The following TMEM131 variants were observed in gnomAD, a reference collection of about 807,000 sequenced individuals.
TMEM131 encodes transmembrane protein 131.
In TMEM131, 66 loss-of-function variants were observed where a neutral mutation model predicts 211.6. That is an observed-to-expected ratio of 0.31 (90% CI 0.26 to 0.38). The LOEUF is 0.38. Ranked by LOEUF, TMEM131 falls within the 10% of genes least tolerant of loss-of-function variation. TMEM131 has a pLI of 1.00. For synonymous variants in TMEM131, 844 were observed against 841.3 expected (o/e 1.00, Z -0.06); for missense variants, 2,036 against 2,299.3 (o/e 0.89, Z 2.34).
In TMEM131 at chr2:97,792,743, G is replaced by C. The variant is rs1320578372; in HGVS notation, c.3787C>G (p.Leu1263Val). The C allele has an allele frequency of 6.2e-7, 1 of 1,613,902 alleles. No individual in the cohort carries two copies. The highest frequency in any genetic ancestry group is 1.3e-5 in the African/African-American group (1 of 74,930). ...GTCACTGTGTTCGAATCTAAGACAA[G>C]GGGGCTTGTTTTGTTAGCAGACTGT... ...SSQSANKTSP[L>V]VLDSNTVTQG... Residue 1263 changes from leucine (L) to valine (V), a missense_variant, in exon 31 of 41, where the codon CTT becomes GTT. Leu to Val is a conservative substitution (Grantham distance 32). This residue lies in a region of TMEM131 where 1,623 missense variants were observed against 1,805.9 expected (regional missense o/e 0.90). Transcript: ENST00000186436.
At chr2:97,818,557 T>C in intron 12 of TMEM131, 56 bp downstream of exon 12, 2 of 1,191,982 alleles carry the variant, frequency 1.7e-6, no homozygotes, top group Non-Finnish European at 2.4e-6. Context: ...ATACAGATGC[T>C]TTCTAGTTTA....
intron 1 of TMEM131, among the ~76,000 whole-genome samples, chr2:97,989,783 C>A (rs1680183398): frequency 1.3e-5 from 2 of 152,154 alleles, no homozygotes; most frequent in African/African-American, 4.8e-5. Flanking sequence ...CAAAGGCTTT[C>A]TAGAAACCCT....
intron 1 of TMEM131, among the ~76,000 whole-genome samples, chr2:97,946,011 C>T (rs1212444423): frequency 2.0e-5 from 3 of 152,022 alleles, no homozygotes; most frequent in Non-Finnish European, 4.4e-5. Flanking sequence ...GTATTATAGC[C>T]ATCTTAAAAC....
intron 3 of TMEM131, among the ~76,000 whole-genome samples, chr2:97,889,780 A>T (rs1376212596): frequency 6.6e-6 from 1 of 152,146 alleles, no homozygotes; most frequent in African/African-American, 2.4e-5. Context: ...CATCCATTCA[A>T]TACAAATGTA....
intron 1 of TMEM131, among the ~76,000 whole-genome samples, chr2:97,929,652 T>G (rs2104450945): frequency 6.6e-6 from 1 of 151,966 alleles, no homozygotes; most frequent in Middle Eastern, 3.4e-3. Context: ...TTGGGAAAAC[T>G]CCTGTCCTCC....
chr2:97,801,176 A>C (rs1681017635), intron 25 of TMEM131, among the ~76,000 whole-genome samples: 1 of 152,342 alleles, frequency 6.6e-6, no homozygotes, highest in South Asian at 2.1e-4. Context: ...TACAATGGTA[A>C]GGGCAAGGCT....
intron 31 of TMEM131, among the ~76,000 whole-genome samples, chr2:97,777,621 G>C (rs966636356): frequency 3.3e-4 from 50 of 152,230 alleles, no homozygotes; most frequent in African/African-American, 9.2e-4. Flanking sequence ...AAATCGCTTA[G>C]TGATTTCCAG....
At chr2:97,808,454 TTTG>T (rs1681409092) in intron 19 of TMEM131, among the ~76,000 whole-genome samples, 1 of 152,196 alleles carries the variant, frequency 6.6e-6, no homozygotes. Flanking sequence ...GGTTTTCTCA[TTTG>T]TTTTGTCTTT....
chr2:97,944,005 C>G (rs1309123132), intron 1 of TMEM131, among the ~76,000 whole-genome samples: 1 of 152,130 alleles, frequency 6.6e-6, no homozygotes, highest in Non-Finnish European at 1.5e-5. Flanking sequence ...TTGCTTGAAC[C>G]TGGGAGGCAG....
rs201320556 is a variant in TMEM131, at chr2:97,757,121, G to T, written c.5630C>A (p.Ser1877Ter). The change falls in exon 41 of 41, where the codon TCG becomes TAG. Residue 1877 changes from serine to a stop codon, truncating the protein, a stop_gained. Transcript: ENST00000186436. LOFTEE classifies it high-confidence loss of function. Reference sequence around the variant, plus strand: ...AATTTAATTCTCGTGAGGAAAGTGCGAATTAGACCAAGGGTCCGAGCTTCT... The same window carrying T: ...AATTTAATTCTCGTGAGGAAAGTGCTAATTAGACCAAGGGTCCGAGCTTCT... ...GRRSSDPWSN[S>*]HFPHEN 23 of 1,604,918 alleles carry T rather than the reference G, an allele frequency of 1.4e-5. No individual in the cohort carries two copies. The highest frequency in any genetic ancestry group is 1.9e-5 in the Non-Finnish European group (22 of 1,173,732).
In TMEM131 at chr2:97,797,527, T is replaced by A. The variant is rs762016238; in HGVS notation, c.2719-11A>T. The A allele has an allele frequency of 1.2e-6, 2 of 1,603,656 alleles. No homozygotes were observed. The highest frequency in any genetic ancestry group is 1.7e-6 in the Non-Finnish European group (2 of 1,175,718). On this transcript the variant is annotated splice_polypyrimidine_tract_variant and intron_variant, in intron 25 of 40. Coordinates refer to ENST00000186436, the MANE Select transcript of TMEM131 (RefSeq NM_015348.2). ...CTGCAGTGGATGAGCCTTGAATCAT[T>A]GGGTAAACAGAGAGGAGTCATGAAT...
At chr2:97,940,943 T>A (rs941095726) in intron 1 of TMEM131, among the ~76,000 whole-genome samples, 32 of 152,080 alleles carry the variant, frequency 2.1e-4, no homozygotes, top group Non-Finnish European at 4.1e-4. Context: ...AAGCTACCAA[T>A]GACTTTCTTC....
At position 97,837,163 on chromosome 2, in the gene TMEM131, G is replaced by T; in HGVS notation, c.724-6C>A. Reference sequence around the variant, plus strand: ...CTAGAGTACATTTCTACAACCTGGGGCAAAAGAGCACATGATGGCTACGTT... The same window carrying T: ...CTAGAGTACATTTCTACAACCTGGGTCAAAAGAGCACATGATGGCTACGTT... On this transcript the variant is annotated splice_polypyrimidine_tract_variant and splice_region_variant and intron_variant, in intron 7 of 40. Coordinates refer to ENST00000186436, the MANE Select transcript of TMEM131 (RefSeq NM_015348.2). 6.3e-7 allele frequency: 1 copy of T among 1,583,270 alleles called. No individual in the cohort carries two copies. The highest frequency in any genetic ancestry group is 8.6e-7 in the Non-Finnish European group (1 of 1,169,206).
intron 4 of TMEM131, among the ~76,000 whole-genome samples, chr2:97,881,810 T>C (rs1253397757): frequency 6.6e-6 from 1 of 152,044 alleles, no homozygotes; most frequent in South Asian, 2.1e-4. Context: ...TCTAATCTTT[T>C]TTCACTTAAT....
At chr2:97,832,464 A>C (rs1298616379) in intron 11 of TMEM131, among the ~76,000 whole-genome samples, 1 of 152,148 alleles carries the variant, frequency 6.6e-6, no homozygotes, top group East Asian at 1.9e-4. Flanking sequence ...TGCGCATCAG[A>C]ATGTGGTTAC....
intron 11 of TMEM131, chr2:97,827,492 A>G (rs1682458538): frequency 2.8e-6 from 3 of 1,082,256 alleles, no homozygotes; most frequent in Non-Finnish European, 4.3e-6. Flanking sequence ...GGGGAAACGA[A>G]AACTGAGGAG....
chr2:97,802,453 C>T lies in TMEM131; in HGVS notation c.2626G>A (p.Val876Met). The T allele has an allele frequency of 6.2e-7, 1 of 1,610,580 alleles. No homozygotes were observed. ...CTTGATACTAACTTATCTACAAACACTGAAGGGTTGGAATATAAAGCCAGA... is the reference window on the plus strand; with the variant it reads ...CTTGATACTAACTTATCTACAAACATTGAAGGGTTGGAATATAAAGCCAGA... ...IPLALYSNPS[V>M]FVDKLVSRFN... The change falls in exon 24 of 41, where the codon GTG (valine) becomes ATG (methionine). Residue 876 changes from valine to methionine, a missense_variant. Coordinates refer to ENST00000186436, the MANE Select transcript of TMEM131 (RefSeq NM_015348.2).
intron 1 of TMEM131, among the ~76,000 whole-genome samples, chr2:97,980,039 C>T (rs557011614): frequency 3.9e-5 from 6 of 152,014 alleles, no homozygotes; most frequent in Middle Eastern, 3.2e-3. Context: ...TGAGGAGGGG[C>T]GAGAAGTGGG....
At chr2:97,806,086 T>C (rs1353152442) in intron 19 of TMEM131, among the ~76,000 whole-genome samples, 1 of 152,230 alleles carries the variant, frequency 6.6e-6, no homozygotes, top group East Asian at 1.9e-4. Flanking sequence ...CAGGCAAGAA[T>C]GCCCTGAAAT....
Sources: gnomAD v4.1 joint callset for allele counts (sites outside exome capture counted in the v4.1 genomes callset) on GRCh38, gnomAD v4.1.1 for gene constraint, gnomAD v4.1.1 regional missense constraint, MANE v1.5 for transcripts, NCBI Gene and HGNC (gene_info 2026-07-23, HGNC 2026-07-21) for gene names.